Variants in CACNG2 observed in about 807,000 individuals in gnomAD.
The protein encoded by CACNG2 is calcium voltage-gated channel auxiliary subunit gamma 2.
A neutral mutation model predicts 25.9 loss-of-function variants in CACNG2; 3 were observed. The observed-to-expected ratio is 0.12, with a 90% CI of 0.05 to 0.30. The LOEUF (loss-of-function observed/expected upper bound fraction) is 0.30, where lower values mean the gene tolerates loss of function less well. CACNG2 is among the 10% of genes least tolerant of loss of function. The pLI, the probability that CACNG2 is intolerant of heterozygous loss-of-function variation, is 1.00. For missense variants in CACNG2, 341 were observed against 432.5 expected, an observed-to-expected ratio of 0.79 and a Z score of 1.88; for synonymous variants, 167 against 173.3, an observed-to-expected ratio of 0.96 and a Z score of 0.29.
intron 1 of CACNG2, among the ~76,000 whole-genome samples, chr22:36,589,542 T>C (rs1211871727): frequency 1.3e-5 from 2 of 152,198 alleles, no homozygotes; most frequent in Non-Finnish European, 2.9e-5. Context: ...GTAACTCCCT[T>C]TCACACATGA....
intron 1 of CACNG2, among the ~76,000 whole-genome samples, chr22:36,650,009 C>T (rs1936582821): frequency 6.6e-6 from 1 of 152,226 alleles, no homozygotes; most frequent in Non-Finnish European, 1.5e-5. Flanking sequence ...TCTCACTTCT[C>T]CTGTGGCTAT....
chr22:36,576,571 TGC>T (rs1167880295), intron 2 of CACNG2, among the ~76,000 whole-genome samples: 3 of 144,710 alleles, frequency 2.1e-5, no homozygotes, highest in Non-Finnish European at 3.0e-5. Flanking sequence ...CCTCTGTGTG[TGC>T]GTGTGTGTGT....
intron 1 of CACNG2, among the ~76,000 whole-genome samples, chr22:36,639,588 C>T (rs970048148): frequency 6.6e-6 from 1 of 152,224 alleles, no homozygotes; most frequent in African/African-American, 2.4e-5. Flanking sequence ...GTCCACTCCT[C>T]CTCCCTGTGT....
intron 1 of CACNG2, among the ~76,000 whole-genome samples, chr22:36,680,228 CCAT>C (rs1240623437): frequency 1.1e-4 from 16 of 150,658 alleles, no homozygotes; most frequent in African/African-American, 9.8e-5. Flanking sequence ...ACTACCACCA[CCAT>C]CATCACCACC....
At chr22:36,636,966 G>A (rs1004242653) in intron 1 of CACNG2, among the ~76,000 whole-genome samples, 13 of 152,220 alleles carry the variant, frequency 8.5e-5, no homozygotes, top group East Asian at 3.8e-4. Flanking sequence ...GAGGACTTGT[G>A]TTATTAAACC....
chr22:36,652,541 T>C (rs1001170140), intron 1 of CACNG2, among the ~76,000 whole-genome samples: 6 of 152,306 alleles, frequency 3.9e-5, no homozygotes, highest in South Asian at 2.1e-4. Flanking sequence ...TCTGAATCCC[T>C]GAACGAAATC....
chr22:36,677,172 C>T lies in CACNG2; in HGVS notation c.211+25194G>A, dbSNP rs187589460. On this transcript the variant is annotated intron_variant, in intron 1 of 3. Transcript: ENST00000300105. ...ATTTGAATTGCAGAGGGAACGACTC[C>T]CTTTTTGTCCCCCTCTCTCTTCATT... Among the ~76,000 whole-genome samples the T allele has an allele frequency of 5.3e-5, 8 of 152,188 alleles. No individual in the cohort carries two copies. The East Asian group carries it at 1.5e-3, about 29-fold the overall frequency.
intron 2 of CACNG2, among the ~76,000 whole-genome samples, chr22:36,576,805 A>G (rs190738021): frequency 2.0e-4 from 30 of 152,146 alleles, no homozygotes; most frequent in Admixed American, 1.0e-3. Context: ...GGGGACACTG[A>G]TCATCTCACC....
At chr22:36,589,803 C>T (rs1935558845) in intron 1 of CACNG2, among the ~76,000 whole-genome samples, 1 of 152,082 alleles carries the variant, frequency 6.6e-6, no homozygotes, top group Non-Finnish European at 1.5e-5. Flanking sequence ...TCCCTAGTAC[C>T]TTGTTTTCCT....
intron 1 of CACNG2, among the ~76,000 whole-genome samples, chr22:36,663,615 T>C (rs991130100): frequency 6.6e-6 from 1 of 152,172 alleles, no homozygotes; most frequent in Non-Finnish European, 1.5e-5. Context: ...TAATCTTTAT[T>C]AATGCGTCGC....
chr22:36,649,084 C>T (rs2145973408), intron 1 of CACNG2, among the ~76,000 whole-genome samples: 1 of 152,312 alleles, frequency 6.6e-6, no homozygotes, highest in Admixed American at 6.5e-5. Context: ...TAGATTCTGC[C>T]CTCACTTTGG....
rs1158822040 is a variant in CACNG2, at chr22:36,564,622, T to TGGTAGC, written c.695_700dup (p.Arg232_Tyr233dup). 6.2e-6 allele frequency: 10 copies of TGGTAGC among 1,613,846 alleles called. No individual in the cohort carries two copies. The highest frequency in any genetic ancestry group is 1.7e-4 in the Middle Eastern group (1 of 6,058). ...GCGCGAGCTGGAGCGGCTGCGGCGCTGGTAGCGGTAGCGGTAGCTGGGGAT... is the reference window on the plus strand; with the variant it reads ...GCGCGAGCTGGAGCGGCTGCGGCGCTGGTAGCGGTAGCGGTAGCGGTAGCTGGGGAT... On this transcript the variant is annotated inframe_insertion, in exon 4 of 4. Coordinates refer to ENST00000300105, the MANE Select transcript of CACNG2 (RefSeq NM_006078.5). The surrounding 1 kb of genome is among the most constrained non-coding windows in gnomAD (Gnocchi z 6.7).
In CACNG2 at chr22:36,640,456, A is replaced by G. The variant is rs1936425869; in HGVS notation, c.212-52908T>C. On this transcript the variant is annotated intron_variant, in intron 1 of 3. Transcript: ENST00000300105. ...GCAGTGCCTCTCTCCGCATGGTCAC[A>G]GGAAGCTTGTGGCAGGGGCTAGGAG... is the stretch of plus-strand genomic sequence containing the variant. 3.3e-5 allele frequency among the ~76,000 whole-genome samples: 5 copies of G among 152,218 alleles called. No individual in the cohort carries two copies. In the South Asian group the frequency reaches 6.2e-4, roughly 19 times the overall value.
intron 1 of CACNG2, among the ~76,000 whole-genome samples, chr22:36,620,730 C>G (rs1296042941): frequency 6.6e-6 from 1 of 152,244 alleles, no homozygotes; most frequent in Non-Finnish European, 1.5e-5. Context: ...ACATTAAATG[C>G]TGACCACGGG....
intron 1 of CACNG2, among the ~76,000 whole-genome samples, chr22:36,695,068 G>C (rs1414514297): frequency 1.3e-5 from 2 of 152,020 alleles, no homozygotes; most frequent in Non-Finnish European, 2.9e-5. Context: ...ACTTAAAAAT[G>C]AGCCCGGTGT....
At position 36,564,681 on chromosome 22, in the gene CACNG2, G is replaced by A; in HGVS notation, c.642C>T (p.Ala214=). Residue 214 remains alanine (A), a synonymous_variant, in exon 4 of 4, where the codon GCC becomes GCT. Transcript: ENST00000300105. The surrounding 1 kb of genome is among the most constrained non-coding windows in gnomAD (Gnocchi z 6.7). ...TGGCAGAGGCCTGGAGGTAGTCCGT[G>A]GCGCGGGCCGTGGCCCGCAGCTGTT... ...RHKQLRATAR[A]TDYLQASAIT... The A allele has an allele frequency of 6.2e-7, 1 of 1,614,016 alleles. No homozygotes were observed. Among genetic ancestry groups the A allele is most frequent in the Non-Finnish European group, 8.5e-7 (1 of 1,180,020 alleles).
At chr22:36,590,852 G>A (rs1935580430) in intron 1 of CACNG2, among the ~76,000 whole-genome samples, 1 of 151,766 alleles carries the variant, frequency 6.6e-6, no homozygotes, top group Admixed American at 6.6e-5. Flanking sequence ...GTGCATCTCT[G>A]CCTTCTTTCC....
chr22:36,609,499 G>GC (rs1935896035), intron 1 of CACNG2, among the ~76,000 whole-genome samples: 1 of 131,550 alleles, frequency 7.6e-6, no homozygotes, highest in Non-Finnish European at 1.6e-5. Flanking sequence ...GCGTGATCAG[G>GC]AGGAATCAAC....
At chr22:36,586,648 G>T (rs1185366774) in intron 2 of CACNG2, among the ~76,000 whole-genome samples, 1 of 152,194 alleles carries the variant, frequency 6.6e-6, no homozygotes, top group Non-Finnish European at 1.5e-5. Context: ...TGTTGGGAAG[G>T]GGAGGTGGCA....
Sources: gnomAD v4.1 joint callset for allele counts (sites outside exome capture counted in the v4.1 genomes callset) on GRCh38, gnomAD v4.1.1 for gene constraint, Gnocchi (gnomAD v3.1) non-coding constraint, MANE v1.5 for transcripts, NCBI Gene and HGNC (gene_info 2026-07-23, HGNC 2026-07-21) for gene names.